Variants in HECTD4 observed in about 807,000 individuals in gnomAD.
HECTD4 encodes the protein probable E3 ubiquitin-protein ligase HECTD4.
HECTD4 carries 114 observed loss-of-function variants against 471.5 expected under a neutral mutation model. That is an observed-to-expected ratio of 0.24 (90% CI 0.21 to 0.28). The LOEUF is 0.28. Among genes scored for constraint, HECTD4 ranks in the 10% least tolerant of loss-of-function variants. The pLI is 1.00. For synonymous variants in HECTD4, 2,012 were observed against 2,256.0 expected, an observed-to-expected ratio of 0.89 and a Z score of 3.07; for missense variants, 3,866 against 5,651.5, an observed-to-expected ratio of 0.68 and a Z score of 10.13.
At chr12:112,203,191 C>T (rs544289487) in intron 54 of HECTD4, 1 of 153,206 alleles carries the variant, frequency 6.5e-6, no homozygotes, top group African/African-American at 2.4e-5. Flanking sequence ...ATCCTCCTTC[C>T]TCGGCCTCCC....
At chr12:112,254,242 T>C in intron 21 of HECTD4, 80 bp from the exon 22 acceptor site, 2 of 1,538,636 alleles carry the variant, frequency 1.3e-6, no homozygotes, top group Non-Finnish European at 1.8e-6. Flanking sequence ...TGCAAAAACA[T>C]TTGTTTAAAA....
chr12:112,306,059 C>T lies in HECTD4; in HGVS notation c.1335+5G>A. 1 of 1,591,040 alleles carries T rather than the reference C, an allele frequency of 6.3e-7. No individual in the cohort carries two copies. Among genetic ancestry groups the T allele is most frequent in the Non-Finnish European group, 8.5e-7 (1 of 1,172,602 alleles). On this transcript the variant is annotated splice_donor_5th_base_variant and intron_variant, in intron 7 of 75. Transcript: ENST00000682272. ...AAAGATACAAGCGAGAAAGTTCAAA[C>T]TTACCACAAGTTCAAAAATGTCCAT...
chr12:112,222,441 C>G (rs1026551316), intron 44 of HECTD4, among the ~76,000 whole-genome samples: 1 of 152,130 alleles, frequency 6.6e-6, no homozygotes, highest in Non-Finnish European at 1.5e-5. Context: ...TTGAAGTGGG[C>G]GGATCACTTG....
chr12:112,189,187 T>C (rs781491560), intron 60 of HECTD4, among the ~76,000 whole-genome samples: 13 of 152,136 alleles, frequency 8.5e-5, no homozygotes, highest in Non-Finnish European at 1.8e-4. Context: ...AGCATTTGAC[T>C]TGGTTGCCAA....
At chr12:112,283,803 A>G (rs946508585) in intron 7 of HECTD4, among the ~76,000 whole-genome samples, 1 of 152,180 alleles carries the variant, frequency 6.6e-6, no homozygotes, top group Non-Finnish European at 1.5e-5. Flanking sequence ...AAAAATACAC[A>G]TCAACTTCAA....
In HECTD4 at chr12:112,185,512, G is replaced by A. The variant is rs1259267653; in HGVS notation, c.9473-19C>T. 6.6e-7 allele frequency: 1 copy of A among 1,519,314 alleles called. No homozygotes were observed. The highest frequency in any genetic ancestry group is 8.9e-7 in the Non-Finnish European group (1 of 1,127,522). The allele number at this position is 1,519,314 out of a possible 1,614,324, so 94.1% of individuals were successfully genotyped here. On this transcript the variant is annotated intron_variant, in intron 60 of 75. Coordinates refer to ENST00000682272, the MANE Select transcript of HECTD4 (RefSeq NM_001388303.1). ...AAGTTTCCTGAGGCAAATGAAAATA[G>A]TAACAGTAATTACTATGCAGCACTG... is the stretch of plus-strand genomic sequence containing the variant.
Position 112,308,946 on chromosome 12 carries a change from C to T in HECTD4, c.1026-55G>A, listed in dbSNP as rs1212419997. ...TCACCTGGCTATGTCAGAAACCCCACACAAGCTACAACAGACACAAACAAC... is the reference window on the plus strand; with the variant it reads ...TCACCTGGCTATGTCAGAAACCCCATACAAGCTACAACAGACACAAACAAC... On this transcript the variant is annotated intron_variant, in intron 5 of 75. Coordinates refer to ENST00000682272, the MANE Select transcript of HECTD4 (RefSeq NM_001388303.1). The T allele has an allele frequency of 2.7e-6, 4 of 1,506,028 alleles. No homozygotes were observed. The South Asian group carries it at 3.7e-5, about 14-fold the overall frequency. 93.3% of individuals were successfully genotyped at this position (1,506,028 alleles called of 1,614,324 possible).
At chr12:112,252,605 G>A in intron 22 of HECTD4, 77 bp from the exon 23 acceptor site, 1 of 1,511,062 alleles carries the variant, frequency 6.6e-7, no homozygotes, top group Non-Finnish European at 8.9e-7. Flanking sequence ...GAATTTCAGA[G>A]GTTTACTTTC....
At chr12:112,317,442 CT>C (rs1286689313) in intron 2 of HECTD4, among the ~76,000 whole-genome samples, 1 of 152,120 alleles carries the variant, frequency 6.6e-6, no homozygotes, top group African/African-American at 2.4e-5. Context: ...TAACTAAGAA[CT>C]TCATAATTAT....
In HECTD4 at chr12:112,275,619, CAT is replaced by C. The variant is rs149305522; in HGVS notation, c.1688-661_1688-660del. On this transcript the variant is annotated intron_variant, in intron 9 of 75. Coordinates refer to ENST00000682272, the MANE Select transcript of HECTD4 (RefSeq NM_001388303.1). Reference sequence around the variant, plus strand: ...AAAATATGTCAAGGATCCACACCAGCATATATATATATATATATGTATTAATT... The same window carrying C: ...AAAATATGTCAAGGATCCACACCAGCATATATATATATATATGTATTAATT... Among the ~76,000 whole-genome samples the C allele has an allele frequency of 4.5e-3, 664 of 146,760 alleles. 2 individuals are homozygous for C. Among genetic ancestry groups the C allele is most frequent in the African/African-American group, 0.011 (451 of 40,436 alleles).
At chr12:112,170,995 T>G in intron 68 of HECTD4, 122 bp downstream of exon 68, 2 of 745,482 alleles carry the variant, frequency 2.7e-6, no homozygotes, top group Non-Finnish European at 4.2e-6. Context: ...ACATGAAAGG[T>G]TGAGGTGGGG....
intron 1 of HECTD4, among the ~76,000 whole-genome samples, chr12:112,379,618 C>T (rs1458738311): frequency 3.3e-5 from 5 of 151,902 alleles, no homozygotes; most frequent in Admixed American, 2.0e-4. Context: ...TGCCTCAACC[C>T]GGGAGGTGGA....
At position 112,170,424 on chromosome 12, in the gene HECTD4, G is replaced by T; in HGVS notation, c.11961C>A (p.Thr3987=). The part of the protein sequence containing the change: ...KGLIFYDTKV[T]VMNRVLNATV... ...TGGCATTCAGCACTCGATTCATCAC[G>T]GTCACCTTCGTGTCATAGAAGATCA... The change falls in exon 69 of 76, where the codon ACC becomes ACA. Residue 3987 remains threonine (T), a synonymous_variant. Transcript: ENST00000682272. The T allele has an allele frequency of 6.2e-7, 1 of 1,613,862 alleles. No individual in the cohort carries two copies. Among genetic ancestry groups the T allele is most frequent in the Non-Finnish European group, 8.5e-7 (1 of 1,179,870 alleles).
intron 1 of HECTD4, among the ~76,000 whole-genome samples, chr12:112,353,772 C>T (rs1017106218): frequency 5.3e-5 from 8 of 152,148 alleles, no homozygotes; most frequent in African/African-American, 1.4e-4. Context: ...AAAAGTTAGG[C>T]TAGAAGAATC....
chr12:112,253,963 G>C, intron 22 of HECTD4, 80 bp downstream of exon 22: 2 of 1,496,114 alleles, frequency 1.3e-6, no homozygotes, highest in Non-Finnish European at 1.8e-6. Flanking sequence ...GTTTTTCTGG[G>C]ATTACAGTTA....
chr12:112,199,414 T>C (rs761041214), intron 55 of HECTD4, among the ~76,000 whole-genome samples: 8 of 152,152 alleles, frequency 5.3e-5, no homozygotes, highest in Non-Finnish European at 1.0e-4. Flanking sequence ...GCCGTCTAGA[T>C]AGATAAGCAT....
intron 21 of HECTD4, among the ~76,000 whole-genome samples, chr12:112,256,016 AG>A (rs1177490584): frequency 6.6e-6 from 1 of 152,172 alleles, no homozygotes; most frequent in Non-Finnish European, 1.5e-5. Context: ...GAGGGAGGGC[AG>A]GGGGTAAGCA....
At position 112,367,836 on chromosome 12, in the gene HECTD4, A is replaced by C. The variant is rs909897438; in HGVS notation, c.177+14116T>G. Among the ~76,000 whole-genome samples the C allele has an allele frequency of 4.0e-3, 593 of 149,808 alleles. 6 individuals carry two copies. The highest frequency in any genetic ancestry group is 0.014 in the African/African-American group (560 of 40,884). Reference sequence around the variant, plus strand: ...ACTCCATCTCAAAAAAAAAAAAAAAAAAAAAAAAAAAACGCTAACACGTCA... The same window carrying C: ...ACTCCATCTCAAAAAAAAAAAAAAACAAAAAAAAAAAACGCTAACACGTCA... On this transcript the variant is annotated intron_variant, in intron 1 of 75. Transcript: ENST00000682272.
At chr12:112,338,357 C>T (rs2035995442) in intron 1 of HECTD4, among the ~76,000 whole-genome samples, 1 of 152,212 alleles carries the variant, frequency 6.6e-6, no homozygotes, top group Non-Finnish European at 1.5e-5. Flanking sequence ...GGCACAGTGG[C>T]TCACGCCTGT....
Sources: allele counts gnomAD v4.1 joint callset (sites outside exome capture counted in the v4.1 genomes callset), GRCh38; gene constraint gnomAD v4.1.1; transcripts MANE v1.5; gene names NCBI Gene and HGNC (gene_info 2026-07-23, HGNC 2026-07-21).